KMT2E: variants seen among roughly 807,000 people sequenced by gnomAD.
KMT2E encodes histone reader KMT2E.
KMT2E carries 30 observed loss-of-function variants against 184.6 expected under a neutral mutation model. The observed-to-expected ratio is 0.16, with a 90% confidence interval of 0.12 to 0.22. The LOEUF (loss-of-function observed/expected upper bound fraction) is 0.22. KMT2E is among the 10% of genes least tolerant of loss of function. The pLI, the probability that KMT2E is intolerant of heterozygous loss-of-function variation, is 1.00. For synonymous variants in KMT2E, 815 were observed against 776.5 expected, an observed-to-expected ratio of 1.05 and a Z score of -0.82; for missense variants, 2,023 against 2,237.4, an observed-to-expected ratio of 0.90 and a Z score of 1.93.
intron 15 of KMT2E, among the ~76,000 whole-genome samples, chr7:105,100,355 A>T (rs775231792): frequency 2.0e-5 from 3 of 152,182 alleles, no homozygotes; most frequent in Non-Finnish European, 4.4e-5. Context: ...TAATTACTGG[A>T]ACTAAAGCTC....
At chr7:105,059,374 TCTTC>T (rs965594850) in intron 3 of KMT2E, among the ~76,000 whole-genome samples, 27 of 152,332 alleles carry the variant, frequency 1.8e-4, no homozygotes, top group South Asian at 1.0e-3. Flanking sequence ...AAACTTCACT[TCTTC>T]CTTCTGTGTA....
rs59171738 is a variant in KMT2E, at chr7:105,060,530, A to C, written c.72-1634A>C. Among the ~76,000 whole-genome samples, 456 of 152,146 alleles carry C rather than the reference A, an allele frequency of 3.0e-3. 15 individuals carry two copies. The East Asian group carries it at 0.062, about 21-fold the overall frequency. Reference sequence around the variant, plus strand: ...TAACCTCAAACTTCTAGGCCCAAACAGCTCTCCCACCTCAACCTCCCAAGT... The same window carrying C: ...TAACCTCAAACTTCTAGGCCCAAACCGCTCTCCCACCTCAACCTCCCAAGT... On this transcript the variant is annotated intron_variant, in intron 3 of 26. Transcript: ENST00000311117.
In KMT2E at chr7:105,112,139, G is replaced by A. The variant is rs1265952738; in HGVS notation, c.4383G>A (p.Gln1461=). ...PKSSTPHTPV[Q]HGYLSPKPPS... is the part of the protein sequence containing the mutation. ...CATCCACGCCTCACACACCTGTACAGCATGGTTATCTTTCACCAAAGCCTC... is the reference window on the plus strand; with the variant it reads ...CATCCACGCCTCACACACCTGTACAACATGGTTATCTTTCACCAAAGCCTC... The change falls in exon 27 of 27, where the codon CAG becomes CAA. Residue 1461 remains glutamine (Q), a synonymous_variant. Transcript: ENST00000311117. 2.5e-6 allele frequency: 4 copies of A among 1,614,098 alleles called. No homozygotes were observed. The highest frequency in any genetic ancestry group is 2.2e-5 in the South Asian group (2 of 91,068).
At chr7:105,078,041 A>G (rs1013209305) in intron 11 of KMT2E, among the ~76,000 whole-genome samples, 1 of 152,224 alleles carries the variant, frequency 6.6e-6, no homozygotes, top group African/African-American at 2.4e-5. Flanking sequence ...TATCTGTAGG[A>G]GAACATTCCT....
At chr7:105,062,988 GTTTTTC>G (rs1293882751) in intron 4 of KMT2E, among the ~76,000 whole-genome samples, 6 of 140,072 alleles carry the variant, frequency 4.3e-5, no homozygotes, top group African/African-American at 1.6e-4. Context: ...TGAGATGTGT[GTTTTTC>G]TTTTTCTTTT....
intron 1 of KMT2E, among the ~76,000 whole-genome samples, chr7:105,034,164 A>G (rs149718334): frequency 8.1e-4 from 123 of 152,332 alleles, no homozygotes; most frequent in Middle Eastern, 6.8e-3. Flanking sequence ...TATTCAAACC[A>G]TAGTACGCAG....
chr7:105,108,482 T>G (rs1399228021), intron 22 of KMT2E: 1 of 430,820 alleles, frequency 2.3e-6, no homozygotes, highest in African/African-American at 2.0e-5. Context: ...ATTTTGTTAG[T>G]AGGCTTATTG....
At position 105,107,883 on chromosome 7, in the gene KMT2E, C is replaced by T. The variant is rs373707399; in HGVS notation, c.3426C>T (p.Ile1142=). The T allele has an allele frequency of 1.2e-6, 2 of 1,613,170 alleles. No individual in the cohort carries two copies. The highest frequency in any genetic ancestry group is 1.7e-6 in the Non-Finnish European group (2 of 1,179,794). Residue 1142 remains isoleucine, a synonymous_variant, in exon 22 of 27, where the codon ATC becomes ATT. Transcript: ENST00000311117. The part of the protein sequence containing the change: ...GFGRTVNDNL[I]DGNCTPQNPP... The stretch of plus-strand genomic sequence containing the variant: ...GACGGACTGTTAATGACAATTTGAT[C>T]GACGGGAATTGCACACCCCAGAATC...
chr7:105,061,620 C>T (rs1796814964), intron 3 of KMT2E, among the ~76,000 whole-genome samples: 1 of 152,144 alleles, frequency 6.6e-6, no homozygotes, highest in South Asian at 2.1e-4. Flanking sequence ...AATTGCTCAT[C>T]TTACAGATAG....
rs1799544862 is a variant in KMT2E, at chr7:105,114,968, T to TCAAA, written c.*1638_*1641dup. On this transcript the variant is annotated 3_prime_UTR_variant, in exon 27 of 27. Transcript: ENST00000311117. ...TTTTACATCATCTATCCTGATAGTT[T>TCAAA]CAAACAGAATAAAGGTAACTAGCAT... is the stretch of plus-strand genomic sequence containing the variant. 6.6e-6 allele frequency among the ~76,000 whole-genome samples: 1 copy of TCAAA among 152,216 alleles called. No homozygotes were observed. The highest frequency in any genetic ancestry group is 1.5e-5 in the Non-Finnish European group (1 of 68,026).
chr7:105,111,673 A>ACAT (rs1292440295), intron 26 of KMT2E, 152 bp from the exon 27 acceptor site: 25 of 891,870 alleles, frequency 2.8e-5, no homozygotes, highest in Non-Finnish European at 3.7e-5. Context: ...TGGCCTTTTA[A>ACAT]CATCCCAAGC....
At position 105,063,523 on chromosome 7, in the gene KMT2E, G is replaced by T. The variant is rs765542040; in HGVS notation, c.359G>T (p.Arg120Met). 6.2e-7 allele frequency: 1 copy of T among 1,612,738 alleles called. No individual in the cohort carries two copies. Among genetic ancestry groups the T allele is most frequent in the Non-Finnish European group, 8.5e-7 (1 of 1,179,382 alleles). ...GGAAGTTATGGTACTGATGTAACCAGGTGCATATGTGGTTTTACACATGAT... is the reference window on the plus strand; with the variant it reads ...GGAAGTTATGGTACTGATGTAACCATGTGCATATGTGGTTTTACACATGAT... Reference protein sequence around the residue: ...EDGSYGTDVTRCICGFTHDDG... With the variant: ...EDGSYGTDVTMCICGFTHDDG... The change falls in exon 5 of 27, where the codon AGG becomes ATG. Residue 120 changes from arginine to methionine, a missense_variant. Physicochemically the swap from Arg to Met is moderately conservative, Grantham distance 91. Transcript: ENST00000311117.
Position 105,077,391 on chromosome 7 carries a change from T to C in KMT2E, c.1088T>C (p.Met363Thr), listed in dbSNP as rs982214315. 3.7e-6 allele frequency: 6 copies of C among 1,610,210 alleles called. No homozygotes were observed. Among genetic ancestry groups the C allele is most frequent in the African/African-American group, 1.3e-5 (1 of 74,862 alleles). ...ALIIEYRGKF[M>T]LREQFEANGY... ...ATCATTGAATACAGAGGGAAGTTTA[T>C]GCTGAGAGAACAGTTTGAAGCAAAT... The change falls in exon 11 of 27, where the codon ATG becomes ACG. Residue 363 changes from methionine to threonine, a missense_variant. By Grantham distance (81) the Met-to-Thr change is moderately conservative (BLOSUM62 -1). Coordinates refer to ENST00000311117, the MANE Select transcript of KMT2E (RefSeq NM_182931.3).
rs752502991 is a variant in KMT2E at position 105,110,642 on chromosome 7, T to C, written c.3970+40T>C. 4.3e-6 allele frequency: 7 copies of C among 1,612,556 alleles called. No individual in the cohort carries two copies. The Admixed American group carries it at 1.0e-4, about 23-fold the overall frequency. Reference sequence around the variant, plus strand: ...GACCGATAATGTTATTCTTAACAAATTTTAAAATCAGACAAGAGAGCCTTT... The same window carrying C: ...GACCGATAATGTTATTCTTAACAAACTTTAAAATCAGACAAGAGAGCCTTT... On this transcript the variant is annotated intron_variant, in intron 25 of 26. Transcript: ENST00000311117.
chr7:105,094,512 A>C (rs934911057), intron 15 of KMT2E, among the ~76,000 whole-genome samples: 1 of 152,222 alleles, frequency 6.6e-6, no homozygotes, highest in Non-Finnish European at 1.5e-5. Flanking sequence ...GAAATGCTCC[A>C]ATAAGCGTTT....
Position 105,112,816 on chromosome 7 carries a change from C to T in KMT2E, c.5060C>T (p.Ala1687Val). Residue 1687 changes from alanine to valine, a missense_variant, in exon 27 of 27, where the codon GCC (alanine) becomes GTC (valine). By Grantham distance (64) the Ala-to-Val change is moderately conservative. Around this residue, in one of 8 missense-constraint regions of KMT2E, gnomAD observed 1,108 missense variants for 1,050.9 expected, o/e 1.05. Transcript: ENST00000311117. The stretch of plus-strand genomic sequence containing the variant: ...CCACCCCCACCCCCTCCTGGTCCTG[C>T]CCCTCATCACCATCCACCACCCCAT... ...LPPPPPPPGPAPHHHPPPHPS... is the reference protein window; with the variant it reads ...LPPPPPPPGPVPHHHPPPHPS... 2 of 1,351,536 alleles carry T rather than the reference C, an allele frequency of 1.5e-6. No individual in the cohort carries two copies. Among genetic ancestry groups the T allele is most frequent in the Non-Finnish European group, 2.0e-6 (2 of 1,002,674 alleles). The allele number at this position is 1,351,536 out of a possible 1,614,324, so 83.7% of individuals were successfully genotyped here.
rs140149442 is a variant in KMT2E at position 105,083,396 on chromosome 7, CA to C, written c.1358+1600del. ...TTGAACTCATAGGGTTCTGGGTGGC[CA>C]GGGGCATTGCCCAGTATCAAAAGAC... On this transcript the variant is annotated intron_variant, in intron 13 of 26. Coordinates refer to ENST00000311117, the MANE Select transcript of KMT2E (RefSeq NM_182931.3). Among the ~76,000 whole-genome samples, 496 of 152,250 alleles carry C rather than the reference CA, an allele frequency of 3.3e-3. 3 individuals carry two copies. The highest frequency in any genetic ancestry group is 0.012 in the African/African-American group (478 of 41,542).
intron 3 of KMT2E, among the ~76,000 whole-genome samples, chr7:105,053,249 A>G (rs1232202385): frequency 6.6e-6 from 1 of 152,164 alleles, no homozygotes; most frequent in East Asian, 1.9e-4. Flanking sequence ...GAAATTTATT[A>G]TTAATATCTA....
intron 6 of KMT2E, among the ~76,000 whole-genome samples, chr7:105,070,175 GT>G (rs562717081): frequency 8.4e-4 from 127 of 151,826 alleles, no homozygotes; most frequent in African/African-American, 2.9e-3. Context: ...AACCTAAGTT[GT>G]TTTTCCCCCT....
Sources: allele counts gnomAD v4.1 joint callset (sites outside exome capture counted in the v4.1 genomes callset), GRCh38; gene constraint gnomAD v4.1.1; regional missense constraint gnomAD v4.1.1; transcripts MANE v1.5; gene names NCBI Gene and HGNC (gene_info 2026-07-23, HGNC 2026-07-21).